TRIM27: variants seen among roughly 807,000 people sequenced by gnomAD.
TRIM27 encodes tripartite motif containing 27, also known as zinc finger protein RFP.
Under a neutral mutation model 57.6 loss-of-function variants are expected in TRIM27, and 12 were observed. That is an observed-to-expected ratio of 0.21 (90% CI 0.13 to 0.34). TRIM27 has a LOEUF of 0.34. TRIM27 is among the 10% of genes least tolerant of loss of function. The probability of loss-of-function intolerance (pLI) is 1.00; values close to 1 mark genes in which losing one functional copy is unlikely to be tolerated. For missense variants in TRIM27, 403 were observed against 656.8 expected (o/e 0.61, Z 4.22); for synonymous variants, 266 against 259.0 (o/e 1.03, Z -0.26).
At chr6:28,912,793 A>T (rs116750314) in intron 3 of TRIM27, among the ~76,000 whole-genome samples, 3,100 of 152,278 alleles carry the variant, frequency 0.02, 50 homozygotes, top group South Asian at 0.056. Context: ...GATTTTTAAA[A>T]TTTTTTATTG....
Position 28,920,085 on chromosome 6 carries a change from T to C in TRIM27, c.674A>G (p.Asn225Ser). 6.2e-7 allele frequency: 1 copy of C among 1,614,208 alleles called. No homozygotes were observed. Residue 225 changes from asparagine (N) to serine (S), a missense_variant, in exon 3 of 8, where the codon AAC becomes AGC. Transcript: ENST00000377199. The part of the protein sequence containing the change: ...INGAITQFSC[N>S]ISHLSSLIAQ... ...GATCAGGCTGCTGAGGTGGGAGATG[T>C]TGCAAGAGAACTGGGTGATGGCACC...
Position 28,903,858 on chromosome 6 carries a change from A to T in TRIM27, c.*212T>A. ...CACTGGAGGTGGACATCTGGTTTTTATTTCTAGGATATCTTGATACATCTC... is the reference window on the plus strand; with the variant it reads ...CACTGGAGGTGGACATCTGGTTTTTTTTTCTAGGATATCTTGATACATCTC... On this transcript the variant is annotated 3_prime_UTR_variant, in exon 8 of 8. Coordinates refer to ENST00000377199, the MANE Select transcript of TRIM27 (RefSeq NM_006510.5). The T allele has an allele frequency of 1.8e-6, 1 of 567,958 alleles. No individual in the cohort carries two copies. Among genetic ancestry groups the T allele is most frequent in the Non-Finnish European group, 3.1e-6 (1 of 318,690 alleles). 35.2% of individuals were successfully genotyped at this position (567,958 alleles called of 1,614,324 possible).
rs991738537 is a variant in TRIM27, at chr6:28,923,833, C to A, written c.-201G>T. ...CGGGCCGATGCCTGCGCCTGTGCCC[C>A]CTAAGCGAGAGCGGGAATACGGCCG... On this transcript the variant is annotated 5_prime_UTR_variant, in exon 1 of 8. Transcript: ENST00000377199. The A allele has an allele frequency of 1.2e-5, 7 of 565,008 alleles. No individual in the cohort carries two copies. The highest frequency in any genetic ancestry group is 2.1e-5 in the Non-Finnish European group (7 of 335,750). 35.0% of individuals were successfully genotyped at this position (565,008 alleles called of 1,614,324 possible). A position where few individuals can be genotyped will look rare whatever the true frequency, so the allele number is the denominator to read the frequency against.
chr6:28,923,806 G>A lies in TRIM27; in HGVS notation c.-174C>T, dbSNP rs1367441072. The stretch of plus-strand genomic sequence containing the variant: ...GCCCGCGCACCGAAGGCTTGGAGTG[G>A]CCGGGCCGATGCCTGCGCCTGTGCC... On this transcript the variant is annotated 5_prime_UTR_variant, in exon 1 of 8. Transcript: ENST00000377199. 2 of 701,946 alleles carry A rather than the reference G, an allele frequency of 2.8e-6. No individual in the cohort carries two copies. Among genetic ancestry groups the A allele is most frequent in the Non-Finnish European group, 4.5e-6 (2 of 445,482 alleles). The allele number at this position is 701,946 out of a possible 1,614,324, so 43.5% of individuals were successfully genotyped here.
At chr6:28,920,654 A>G (rs993821847) in intron 2 of TRIM27, among the ~76,000 whole-genome samples, 3 of 152,188 alleles carry the variant, frequency 2.0e-5, no homozygotes, top group Non-Finnish European at 4.4e-5. Context: ...TGGCACAGGC[A>G]AAAGAGTGGG....
At chr6:28,909,339 T>A (rs536946831) in intron 4 of TRIM27, among the ~76,000 whole-genome samples, 5 of 152,318 alleles carry the variant, frequency 3.3e-5, no homozygotes, top group African/African-American at 1.2e-4. Flanking sequence ...ACTCCTGACC[T>A]CAGGTGATCC....
chr6:28,913,681 T>G (rs113883092), intron 3 of TRIM27, among the ~76,000 whole-genome samples: 3,373 of 151,136 alleles, frequency 0.022, 95 homozygotes, highest in African/African-American at 0.066. Flanking sequence ...TGCATTTCTC[T>G]TATTATAAGT....
chr6:28,919,292 G>C (rs1325071420), intron 3 of TRIM27, among the ~76,000 whole-genome samples: 5 of 152,082 alleles, frequency 3.3e-5, no homozygotes, highest in Admixed American at 6.5e-5. Context: ...TTACAGGTGT[G>C]AGCCACTGCA....
rs1299142529 is a variant in TRIM27, at chr6:28,903,894, A to G, written c.*176T>C. The G allele has an allele frequency of 1.6e-6, 1 of 608,114 alleles. No individual in the cohort carries two copies. The highest frequency in any genetic ancestry group is 3.0e-6 in the Non-Finnish European group (1 of 337,582). 37.7% of individuals were successfully genotyped at this position (608,114 alleles called of 1,614,324 possible). A position where few individuals can be genotyped will look rare whatever the true frequency, so the allele number is the denominator to read the frequency against. On this transcript the variant is annotated 3_prime_UTR_variant, in exon 8 of 8. Coordinates refer to ENST00000377199, the MANE Select transcript of TRIM27 (RefSeq NM_006510.5). ...ATCTTGATACATCTCATTACATTTC[A>G]CAATCTGCATGGGAAGGAAAAGGAT...
intron 3 of TRIM27, among the ~76,000 whole-genome samples, chr6:28,913,440 C>T (rs935293347): frequency 6.6e-6 from 1 of 151,772 alleles, no homozygotes; most frequent in Non-Finnish European, 1.5e-5. Flanking sequence ...TCTCTCCTCC[C>T]TCTACCCTTC....
In TRIM27 at chr6:28,909,129, G is replaced by A. The variant is rs1024382301; in HGVS notation, c.771-41C>T. ...ATGAGTAAATTTTTTTTTTTTTTGAGATGGAGTTTCGCTTGTTGCCCAGGC... is the reference window on the plus strand; with the variant it reads ...ATGAGTAAATTTTTTTTTTTTTTGAAATGGAGTTTCGCTTGTTGCCCAGGC... On this transcript the variant is annotated intron_variant, in intron 4 of 7. Coordinates refer to ENST00000377199, the MANE Select transcript of TRIM27 (RefSeq NM_006510.5). 8 of 1,388,238 alleles carry A rather than the reference G, an allele frequency of 5.8e-6. No individual in the cohort carries two copies. In the East Asian group the frequency reaches 1.1e-4, roughly 20 times the overall value. 86.0% of individuals were successfully genotyped at this position (1,388,238 alleles called of 1,614,324 possible). A position where few individuals can be genotyped will look rare whatever the true frequency, so the allele number is the denominator to read the frequency against.
chr6:28,923,289 C>T lies in TRIM27; in HGVS notation c.344G>A (p.Cys115Tyr). The T allele has an allele frequency of 6.2e-7, 1 of 1,611,964 alleles. No homozygotes were observed. Among genetic ancestry groups the T allele is most frequent in the Non-Finnish European group, 8.5e-7 (1 of 1,179,556 alleles). Residue 115 changes from cysteine to tyrosine, a missense_variant, in exon 1 of 8, where the codon TGC becomes TAC. By Grantham distance (194) the Cys-to-Tyr change is radical (BLOSUM62 -2). Transcript: ENST00000377199. ...LYCEEDQMPICVVCDRSREHR... is the reference protein window; with the variant it reads ...LYCEEDQMPIYVVCDRSREHR... ...CTCGCGGGAGCGGTCGCACACCACG[C>T]AGATGGGCATCTGGTCCTCCTCGCA... is the stretch of plus-strand genomic sequence containing the variant.
intron 3 of TRIM27, among the ~76,000 whole-genome samples, chr6:28,912,825 T>C (rs1773307106): frequency 6.6e-6 from 1 of 152,184 alleles, no homozygotes; most frequent in African/African-American, 2.4e-5. Context: ...ACATATATAT[T>C]TTGGGGGTGC....
intron 3 of TRIM27, among the ~76,000 whole-genome samples, chr6:28,911,965 G>C (rs548420155): frequency 6.6e-6 from 1 of 152,270 alleles, no homozygotes; most frequent in East Asian, 1.9e-4. Flanking sequence ...ACTGGTCAAG[G>C]ACCTCAGGAT....
intron 7 of TRIM27, chr6:28,905,508 C>T (rs1456152327): frequency 6.6e-6 from 1 of 152,062 alleles, no homozygotes; most frequent in East Asian, 1.9e-4. Flanking sequence ...GGACTGGGAA[C>T]CTGTATCAGT....
intron 6 of TRIM27, chr6:28,908,339 A>T: frequency 6.1e-6 from 1 of 164,624 alleles, no homozygotes; most frequent in East Asian, 1.7e-4. Context: ...CCCAGAACCC[A>T]GGCAGCCTGA....
chr6:28,918,643 C>T (rs190655534), intron 3 of TRIM27, among the ~76,000 whole-genome samples: 64 of 152,190 alleles, frequency 4.2e-4, no homozygotes, highest in African/African-American at 1.1e-3. Context: ...TTTGGGAGGC[C>T]GAGGAGGGCA....
At position 28,923,913 on chromosome 6, in the gene TRIM27, A is replaced by G. The variant is rs1774275317; in HGVS notation, c.-281T>C. ...GGGCAGGAAAGGGTAGCCGAGGGTC[A>G]GAGTCCCAGGGCCAGGCGGGCAAAG... On this transcript the variant is annotated 5_prime_UTR_variant, in exon 1 of 8. Coordinates refer to ENST00000377199, the MANE Select transcript of TRIM27 (RefSeq NM_006510.5). 2.3e-6 allele frequency: 1 copy of G among 439,356 alleles called. No individual in the cohort carries two copies. The highest frequency in any genetic ancestry group is 5.2e-5 in the South Asian group (1 of 19,374). The allele number at this position is 439,356 out of a possible 1,614,324, so 27.2% of individuals were successfully genotyped here.
rs1445467580 is a variant in TRIM27, at chr6:28,903,537, T to C, written c.*533A>G. On this transcript the variant is annotated 3_prime_UTR_variant, in exon 8 of 8. Transcript: ENST00000377199. Reference sequence around the variant, plus strand: ...ACTAACCAAAACACATACAGGCTTCTTTAATGGAGTTAATAAAACTATGGC... The same window carrying C: ...ACTAACCAAAACACATACAGGCTTCCTTAATGGAGTTAATAAAACTATGGC... 4.3e-6 allele frequency: 1 copy of C among 235,288 alleles called. No homozygotes were observed. Among genetic ancestry groups the C allele is most frequent in the African/African-American group, 2.2e-5 (1 of 45,382 alleles). The allele number at this position is 235,288 out of a possible 1,614,324, so 14.6% of individuals were successfully genotyped here. A position where few individuals can be genotyped will look rare whatever the true frequency, so the allele number is the denominator to read the frequency against.
Sources: allele counts gnomAD v4.1 joint callset (sites outside exome capture counted in the v4.1 genomes callset), GRCh38; gene constraint gnomAD v4.1.1; transcripts MANE v1.5; gene names NCBI Gene and HGNC (gene_info 2026-07-23, HGNC 2026-07-21).